The following HSD17B13 variants were observed in gnomAD, a reference collection of about 807,000 sequenced individuals.
The protein encoded by HSD17B13 is 17-beta-hydroxysteroid dehydrogenase 13.
HSD17B13 carries 26 observed loss-of-function variants against 31.1 expected under a neutral mutation model. The observed-to-expected ratio is 0.84, with a 90% CI of 0.61 to 1.16. HSD17B13 has a LOEUF of 1.16. Among genes scored for constraint, HSD17B13 ranks in the 50% most tolerant of loss-of-function variants. The pLI, the probability that HSD17B13 is intolerant of heterozygous loss-of-function variation, is 0.00. For missense variants in HSD17B13, 374 were observed against 366.5 expected, an observed-to-expected ratio of 1.02 and a Z score of -0.17; for synonymous variants, 141 against 133.7, an observed-to-expected ratio of 1.05 and a Z score of -0.38.
chr4:87,319,584 A>G (rs532185717), intron 1 of HSD17B13, among the ~76,000 whole-genome samples: 3 of 152,366 alleles, frequency 2.0e-5, no homozygotes, highest in African/African-American at 4.8e-5. Flanking sequence ...GCCTCTGCCC[A>G]TCATATTTTT....
chr4:87,308,383 C>T (rs970010315), intron 6 of HSD17B13, among the ~76,000 whole-genome samples: 7 of 150,838 alleles, frequency 4.6e-5, no homozygotes, highest in Non-Finnish European at 1.0e-4. Context: ...GGCTTGGTGG[C>T]TCACGCCTGT....
At chr4:87,317,566 T>TA (rs1734682421) in intron 2 of HSD17B13, among the ~76,000 whole-genome samples, 4 of 112,016 alleles carry the variant, frequency 3.6e-5, no homozygotes, top group African/African-American at 1.7e-4. Flanking sequence ...CTTTAAACTT[T>TA]TTTTTTTTTT....
chr4:87,318,581 C>T, intron 1 of HSD17B13, 145 bp from the exon 2 acceptor site: 2 of 617,842 alleles, frequency 3.2e-6, no homozygotes, highest in Admixed American at 2.3e-5. Context: ...GGGCGGATCA[C>T]GAGGTCAGGA....
At position 87,304,141 on chromosome 4, in the gene HSD17B13, CTACAAAAAA is replaced by C. The variant is rs1377398665; in HGVS notation, c.*1068_*1076del. Reference sequence around the variant, plus strand: ...TGGCTAACATGGTGAAACCCCGTCTCTACAAAAAATACAAAAAATTAGCCGGGTGTGGTG... The same window carrying C: ...TGGCTAACATGGTGAAACCCCGTCTCTACAAAAAATTAGCCGGGTGTGGTG... On this transcript the variant is annotated 3_prime_UTR_variant, in exon 7 of 7. Transcript: ENST00000328546. The C allele has an allele frequency of 1.3e-5, 2 of 152,004 alleles. No homozygotes were observed. Among genetic ancestry groups the C allele is most frequent in the African/African-American group, 2.4e-5 (1 of 41,354 alleles). The allele number at this position is 152,004 out of a possible 1,614,324, so 9.4% of individuals were successfully genotyped here. A position where few individuals can be genotyped will look rare whatever the true frequency, so the allele number is the denominator to read the frequency against.
rs139442898 is a variant in HSD17B13, at chr4:87,313,698, T to G, written c.695+125A>C. 1.2e-3 allele frequency: 902 copies of G among 741,888 alleles called. 7 individuals are homozygous for G. In the African/African-American group the frequency reaches 0.014, roughly 12 times the overall value. The allele number at this position is 741,888 out of a possible 1,614,324, so 46.0% of individuals were successfully genotyped here. A position where few individuals can be genotyped will look rare whatever the true frequency, so the allele number is the denominator to read the frequency against. Reference sequence around the variant, plus strand: ...TCCTTTAATTTCAAGATAATAATAATAATAAGAAAAATTATTTTTCCTTCT... The same window carrying G: ...TCCTTTAATTTCAAGATAATAATAAGAATAAGAAAAATTATTTTTCCTTCT... On this transcript the variant is annotated intron_variant, in intron 5 of 6. Transcript: ENST00000328546.
intron 2 of HSD17B13, among the ~76,000 whole-genome samples, chr4:87,317,510 C>T (rs1443644571): frequency 7.4e-6 from 1 of 135,804 alleles, no homozygotes; most frequent in Non-Finnish European, 1.6e-5. Context: ...TATATAAATT[C>T]TGACCAAATA....
intron 5 of HSD17B13, among the ~76,000 whole-genome samples, chr4:87,313,148 GGAGTGATTCCAGCTGCAGAGA>G (rs1425030167): frequency 1.3e-5 from 2 of 152,194 alleles, no homozygotes; most frequent in East Asian, 3.9e-4. Flanking sequence ...CCAGTGGCAG[GGAGTGATTCCAGCTGCAGAGA>G]CCACATAGCT....
intron 6 of HSD17B13, among the ~76,000 whole-genome samples, chr4:87,308,762 C>A (rs1224050711): frequency 6.6e-6 from 1 of 150,806 alleles, no homozygotes; most frequent in Non-Finnish European, 1.5e-5. Flanking sequence ...ATGTTATGTA[C>A]AAATTTATGC....
At position 87,318,360 on chromosome 4, in the gene HSD17B13, T is replaced by G; in HGVS notation, c.287A>C (p.Asn96Thr). The G allele has an allele frequency of 6.2e-7, 1 of 1,614,096 alleles. No individual in the cohort carries two copies. The highest frequency in any genetic ancestry group is 8.5e-7 in the Non-Finnish European group (1 of 1,179,908). Residue 96 changes from asparagine (N) to threonine (T), a missense_variant, in exon 2 of 7, where the codon AAC becomes ACC. Physicochemically the swap from Asn to Thr is moderately conservative, Grantham distance 65. Coordinates refer to ENST00000328546, the MANE Select transcript of HSD17B13 (RefSeq NM_178135.5). The part of the protein sequence containing the change: ...TAHAYVVDCS[N>T]REEIYRSLNQ... ...TAGAGAGCGATAGATCTCTTCTCTG[T>G]TGCTGCAGTCTACCACATACGCATG...
chr4:87,317,574 T>TTTCTTTTTTC (rs1734683951), intron 2 of HSD17B13, among the ~76,000 whole-genome samples: 1 of 127,142 alleles, frequency 7.9e-6, no homozygotes, highest in African/African-American at 3.1e-5. Context: ...TTTTTTTTTT[T>TTTCTTTTTTC]TTTTTTTTTT....
intron 5 of HSD17B13, among the ~76,000 whole-genome samples, chr4:87,311,125 C>T (rs1734522164): frequency 6.6e-6 from 1 of 152,124 alleles, no homozygotes; most frequent in Non-Finnish European, 1.5e-5. Flanking sequence ...TTACAAATAC[C>T]ATGGCAATGG....
chr4:87,309,166 T>G (rs920275654), intron 6 of HSD17B13, among the ~76,000 whole-genome samples: 1 of 151,890 alleles, frequency 6.6e-6, no homozygotes, highest in Non-Finnish European at 1.5e-5. Flanking sequence ...GTGGATCACA[T>G]GAGGTCAGGA....
Position 87,305,321 on chromosome 4 carries a change from G to GAA in HSD17B13, c.813-15_813-14dup. The stretch of plus-strand genomic sequence containing the variant: ...TTCAGGAAGAAACCTGTACAAAAAA[G>GAA]AAAAAAAAATTGAAAAATTTTCCAT... On this transcript the variant is annotated splice_polypyrimidine_tract_variant and intron_variant, in intron 6 of 6. Coordinates refer to ENST00000328546, the MANE Select transcript of HSD17B13 (RefSeq NM_178135.5). 5 of 1,538,862 alleles carry GAA rather than the reference G, an allele frequency of 3.2e-6. No individual in the cohort carries two copies. The highest frequency in any genetic ancestry group is 4.4e-6 in the Non-Finnish European group (5 of 1,144,254).
At chr4:87,318,797 CAAAAAAAAAA>C (rs1158406945) in intron 1 of HSD17B13, among the ~76,000 whole-genome samples, 1 of 83,530 alleles carries the variant, frequency 1.2e-5, no homozygotes, top group Non-Finnish European at 2.6e-5. Flanking sequence ...GACTCTGTCT[CAAAAAAAAAA>C]AAAAAAAAAA....
In HSD17B13 at chr4:87,318,416, T is replaced by C. The variant is rs754416185; in HGVS notation, c.231A>G (p.Ala77=). The part of the protein sequence containing the change: ...DINKRGVEET[A]AECRKLGVTA... The stretch of plus-strand genomic sequence containing the variant: ...TGACGCCTAGTTTTCGGCACTCAGC[T>C]GCAGTTTCCTCCACACCGCGCTGTA... Residue 77 remains alanine (A), a synonymous_variant, in exon 2 of 7, where the codon GCA becomes GCG. Transcript: ENST00000328546. 16 of 1,614,134 alleles carry C rather than the reference T, an allele frequency of 9.9e-6. No individual in the cohort carries two copies. The highest frequency in any genetic ancestry group is 1.4e-5 in the Non-Finnish European group (16 of 1,179,958).
At chr4:87,321,712 GA>G (rs1319944507) in intron 1 of HSD17B13, among the ~76,000 whole-genome samples, 1 of 151,396 alleles carries the variant, frequency 6.6e-6, no homozygotes, top group Non-Finnish European at 1.5e-5. Context: ...TCACTATTCA[GA>G]AAAAAAACAG....
chr4:87,305,170 CTATT>C lies in HSD17B13; in HGVS notation c.*44_*47del, dbSNP rs758265361. ...AAAGCTTTGCAGCATTGATTCGAAA[CTATT>C]CATATCATTATCATGCATACATCTC... On this transcript the variant is annotated 3_prime_UTR_variant, in exon 7 of 7. Transcript: ENST00000328546. 1 of 1,194,144 alleles carries C rather than the reference CTATT, an allele frequency of 8.4e-7. No individual in the cohort carries two copies. Among genetic ancestry groups the C allele is most frequent in the African/African-American group, 1.5e-5 (1 of 64,946 alleles). The allele number at this position is 1,194,144 out of a possible 1,614,324, so 74.0% of individuals were successfully genotyped here. A position where few individuals can be genotyped will look rare whatever the true frequency, so the allele number is the denominator to read the frequency against.
At chr4:87,320,161 G>A (rs1734747266) in intron 1 of HSD17B13, among the ~76,000 whole-genome samples, 1 of 152,076 alleles carries the variant, frequency 6.6e-6, no homozygotes. Context: ...TGGATGTTAG[G>A]ACCCAGTCTC....
At chr4:87,317,313 T>C in intron 2 of HSD17B13, 90 bp from the exon 3 acceptor site, 1 of 1,304,744 alleles carries the variant, frequency 7.7e-7, no homozygotes, top group Non-Finnish European at 1.1e-6. Flanking sequence ...GAGTCTTTCT[T>C]CTATTGTATG....
Sources: allele counts gnomAD v4.1 joint callset (sites outside exome capture counted in the v4.1 genomes callset), GRCh38; gene constraint gnomAD v4.1.1; transcripts MANE v1.5; gene names NCBI Gene and HGNC (gene_info 2026-07-23, HGNC 2026-07-21).